The following PADI6 variants were observed in gnomAD, a reference collection of about 807,000 sequenced individuals.
PADI6 encodes the protein inactive protein-arginine deiminase type-6.
In PADI6, 66 loss-of-function variants were observed where a neutral mutation model predicts 78.2. The ratio of observed to expected loss-of-function variants is 0.84; its 90% CI spans 0.69 to 1.04. The LOEUF is 1.04. Ranked by LOEUF, PADI6 falls within the 50% of genes least tolerant of loss-of-function variation. The pLI is 0.00. For missense variants in PADI6, 854 were observed against 866.1 expected (o/e 0.99, Z 0.18); for synonymous variants, 397 against 346.9 (o/e 1.14, Z -1.60).
chr1:17,381,111 A>G lies in PADI6; in HGVS notation c.500A>G (p.Asp167Gly), dbSNP rs1455518145. 1.2e-6 allele frequency: 2 copies of G among 1,610,118 alleles called. No individual in the cohort carries two copies. Among genetic ancestry groups the G allele is most frequent in the African/African-American group, 1.3e-5 (1 of 74,838 alleles). Reference sequence around the variant, plus strand: ...CTGCTTGTGAATTGCAACCCTGCTGATGTGGGCCAGCAACTTGAGGACAAG... The same window carrying G: ...CTGCTTGTGAATTGCAACCCTGCTGGTGTGGGCCAGCAACTTGAGGACAAG... ...AILLVNCNPA[D>G]VGQQLEDKKT... is the part of the protein sequence containing the mutation. Residue 167 changes from aspartate (D) to glycine (G), a missense_variant, in exon 5 of 16, where the codon GAT becomes GGT. Coordinates refer to ENST00000619609, the MANE Select transcript of PADI6 (RefSeq NM_207421.4).
intron 3 of PADI6, among the ~76,000 whole-genome samples, chr1:17,376,220 G>T (rs1355950638): frequency 6.6e-6 from 1 of 151,092 alleles, no homozygotes; most frequent in Non-Finnish European, 1.5e-5. Flanking sequence ...CGATCCACCT[G>T]CCTCGGCCTC....
intron 14 of PADI6, among the ~76,000 whole-genome samples, chr1:17,397,703 T>C (rs1041618339): frequency 1.3e-5 from 2 of 152,158 alleles, no homozygotes; most frequent in African/African-American, 4.8e-5. Flanking sequence ...GATAGCCCTA[T>C]AAAGTAAAAC....
intron 5 of PADI6, 45 bp downstream of exon 5, chr1:17,381,209 CT>C (rs757496381): frequency 3.4e-6 from 5 of 1,482,808 alleles, no homozygotes; most frequent in Non-Finnish European, 4.6e-6. Flanking sequence ...GGTCTCTTTG[CT>C]GCCCTGCTTC....
chr1:17,394,112 T>C, intron 10 of PADI6, 30 bp downstream of exon 10: 1 of 1,600,216 alleles, frequency 6.2e-7, no homozygotes, highest in Non-Finnish European at 8.6e-7. Context: ...TAATCTGAGC[T>C]CAGTCCAATC....
intron 15 of PADI6, 65 bp from the exon 16 acceptor site, chr1:17,401,140 G>A (rs2075297527): frequency 1.3e-6 from 2 of 1,492,680 alleles, no homozygotes; most frequent in African/African-American, 1.4e-5. Context: ...AGAGAGGCAG[G>A]TGGGCGGCTG....
chr1:17,401,184 C>T, intron 15 of PADI6, 21 bp from the exon 16 acceptor site: 3 of 1,610,930 alleles, frequency 1.9e-6, no homozygotes, highest in Non-Finnish European at 8.5e-7. Context: ...CCAGGCCTCA[C>T]CCACCCTGTC....
intron 11 of PADI6, 120 bp from the exon 12 acceptor site, chr1:17,394,831 C>A: frequency 2.5e-6 from 3 of 1,211,268 alleles, no homozygotes; most frequent in Non-Finnish European, 3.4e-6. Context: ...CCGCTATGGA[C>A]CGGCCTCTTT....
intron 9 of PADI6, among the ~76,000 whole-genome samples, chr1:17,393,461 C>T (rs772085541): frequency 1.3e-5 from 2 of 152,206 alleles, no homozygotes; most frequent in Non-Finnish European, 2.9e-5. Context: ...AGAGCTGACT[C>T]AGAATGTAAG....
At chr1:17,394,902 G>GC in intron 11 of PADI6, 49 bp from the exon 12 acceptor site, 1 of 1,518,282 alleles carries the variant, frequency 6.6e-7, no homozygotes, top group South Asian at 1.3e-5. Flanking sequence ...CGGGTGACCA[G>GC]CCCTGGGCCA....
intron 9 of PADI6, among the ~76,000 whole-genome samples, chr1:17,392,591 T>A (rs1429594875): frequency 6.6e-6 from 1 of 152,162 alleles, no homozygotes; most frequent in Non-Finnish European, 1.5e-5. Context: ...CGGTCAGCCT[T>A]CGGTTCTAGA....
Position 17,381,182 on chromosome 1 carries a change from C to A in PADI6, c.553+18C>A. On this transcript the variant is annotated intron_variant, in intron 5 of 15. Transcript: ENST00000619609. ...TTCAGAGGGTAGGACCTCAGACTGT[C>A]TCTGCCTTTCCTTCTTGGTCTCTTT... The A allele has an allele frequency of 1.3e-6, 2 of 1,559,716 alleles. No homozygotes were observed. The highest frequency in any genetic ancestry group is 8.7e-7 in the Non-Finnish European group (1 of 1,149,030).
chr1:17,400,795 A>T (rs76552350), intron 15 of PADI6, among the ~76,000 whole-genome samples: 1 of 152,268 alleles, frequency 6.6e-6, no homozygotes, highest in East Asian at 1.9e-4. Flanking sequence ...GTGTCTTCTA[A>T]CTTGATCAGC....
At chr1:17,380,196 T>C (rs1296386243) in intron 4 of PADI6, among the ~76,000 whole-genome samples, 1 of 151,038 alleles carries the variant, frequency 6.6e-6, no homozygotes, top group African/African-American at 2.5e-5. Flanking sequence ...ATTTTTTTGT[T>C]TTTTTTTGTT....
In PADI6 at chr1:17,376,461, G is replaced by A. The variant is rs1232759140; in HGVS notation, c.367+962G>A. On this transcript the variant is annotated intron_variant, in intron 3 of 15. Transcript: ENST00000619609. ...ACTATAGGTACCCGCCACCATGCCCGGCTAATTTTTTTTTATTTTTAGTGG... is the reference window on the plus strand; with the variant it reads ...ACTATAGGTACCCGCCACCATGCCCAGCTAATTTTTTTTTATTTTTAGTGG... Among the ~76,000 whole-genome samples the A allele has an allele frequency of 3.3e-5, 5 of 151,780 alleles. No individual in the cohort carries two copies. The East Asian group carries it at 9.7e-4, about 29-fold the overall frequency.
In PADI6 at chr1:17,381,958, T is replaced by C; in HGVS notation, c.554-9T>C. 1.2e-6 allele frequency: 2 copies of C among 1,613,650 alleles called. No individual in the cohort carries two copies. The highest frequency in any genetic ancestry group is 8.5e-7 in the Non-Finnish European group (1 of 1,179,666). On this transcript the variant is annotated splice_polypyrimidine_tract_variant and intron_variant, in intron 5 of 15. Transcript: ENST00000619609. ...ACATTCCTTAACCTTTGCTTTGTCTTTTGCCCAGAAATAACGAATCTGTCC... is the reference window on the plus strand; with the variant it reads ...ACATTCCTTAACCTTTGCTTTGTCTCTTGCCCAGAAATAACGAATCTGTCC...
At chr1:17,377,878 T>C (rs1325698629) in intron 3 of PADI6, among the ~76,000 whole-genome samples, 1 of 152,198 alleles carries the variant, frequency 6.6e-6, no homozygotes, top group Non-Finnish European at 1.5e-5. Context: ...AGTGGAATAT[T>C]GGAATAACGC....
chr1:17,394,010 C>G lies in PADI6; in HGVS notation c.1110C>G (p.His370Gln), dbSNP rs1334607397. The G allele has an allele frequency of 6.2e-7, 1 of 1,613,824 alleles. No individual in the cohort carries two copies. Among genetic ancestry groups the G allele is most frequent in the Non-Finnish European group, 8.5e-7 (1 of 1,179,896 alleles). The change falls in exon 10 of 16, where the codon CAC becomes CAG. Residue 370 changes from histidine to glutamine, a missense_variant. Coordinates refer to ENST00000619609, the MANE Select transcript of PADI6 (RefSeq NM_207421.4). ...CCTTCTGCTACACCCAGGCTCCCCA[C>G]AAGACAACGTCCTTGATCCTCGACA... ...EMAFCYTQAPHKTTSLILDTP... is the reference protein window; with the variant it reads ...EMAFCYTQAPQKTTSLILDTP...
chr1:17,375,310 C>T (rs1453943817), intron 2 of PADI6, 117 bp from the exon 3 acceptor site: 2 of 924,958 alleles, frequency 2.2e-6, no homozygotes, highest in Non-Finnish European at 3.3e-6. Flanking sequence ...GGTGAGACTT[C>T]AGAAGCCATA....
chr1:17,394,449 C>T lies in PADI6; in HGVS notation c.1332C>T (p.Tyr444=), dbSNP rs2075224922. ...GAGTCCTCATTGGCAGCAGCTTTTA[C>T]CCCAGGTGAGCCACAAAGCCAGACG... ...LGRVLIGSSF[Y]PSAEGRAMSK... Residue 444 remains tyrosine (Y), a synonymous_variant, in exon 11 of 16, where the codon TAC becomes TAT. Coordinates refer to ENST00000619609, the MANE Select transcript of PADI6 (RefSeq NM_207421.4). 6 of 1,612,512 alleles carry T rather than the reference C, an allele frequency of 3.7e-6. No individual in the cohort carries two copies. Among genetic ancestry groups the T allele is most frequent in the Non-Finnish European group, 4.2e-6 (5 of 1,179,046 alleles).
Sources: allele counts gnomAD v4.1 joint callset (sites outside exome capture counted in the v4.1 genomes callset), GRCh38; gene constraint gnomAD v4.1.1; transcripts MANE v1.5; gene names NCBI Gene and HGNC (gene_info 2026-07-23, HGNC 2026-07-21).